Variants in BTBD9 observed in about 807,000 individuals in gnomAD.
The protein encoded by BTBD9 is BTB domain containing 9, also known as BTB/POZ domain-containing protein 9.
In BTBD9, 49 loss-of-function variants were observed where a neutral mutation model predicts 64.3. The ratio of observed to expected loss-of-function variants is 0.76; its 90% confidence interval spans 0.61 to 0.97. The LOEUF (loss-of-function observed/expected upper bound fraction) is 0.97, where lower values mean the gene tolerates loss of function less well. Ranked by LOEUF, BTBD9 falls within the 50% of genes least tolerant of loss-of-function variation. BTBD9 has a pLI of 0.00. For missense variants in BTBD9, 598 were observed against 762.1 expected (o/e 0.78, Z 2.53); for synonymous variants, 260 against 274.7 (o/e 0.95, Z 0.53).
rs1776926750 is a variant in BTBD9, at chr6:38,593,967, A to G, written c.546T>C (p.Ser182=). The G allele has an allele frequency of 6.2e-7, 1 of 1,610,806 alleles. No individual in the cohort carries two copies. Among genetic ancestry groups the G allele is most frequent in the South Asian group, 1.1e-5 (1 of 90,340 alleles). Residue 182 remains serine (S), a synonymous_variant, in exon 3 of 11, where the codon TCT becomes TCC. Transcript: ENST00000481247. ...TACTTGTAGACAAATGACACACCTT[A>G]GAAAGGGAGAGGAAACCTTCACTTG... ...VLSSEGFLSL[S]KTALLNIVLR... is the part of the protein sequence containing the mutation.
At chr6:38,423,110 C>T (rs964643951) in intron 6 of BTBD9, among the ~76,000 whole-genome samples, 1 of 151,864 alleles carries the variant, frequency 6.6e-6, no homozygotes, top group Non-Finnish European at 1.5e-5. Flanking sequence ...ACTAAAAATA[C>T]AAAAATTAGC....
chr6:38,504,682 T>C (rs1330513019), intron 6 of BTBD9: 9 of 444,510 alleles, frequency 2.0e-5, no homozygotes, highest in Non-Finnish European at 3.6e-5. Context: ...ATGTTTCCTA[T>C]ATAAATACAT....
intron 6 of BTBD9, among the ~76,000 whole-genome samples, chr6:38,474,385 A>T (rs145409578): frequency 1.9e-3 from 293 of 152,154 alleles, no homozygotes; most frequent in Admixed American, 3.3e-3. Flanking sequence ...TAGCCAGGCG[A>T]GGTGGTACAT....
chr6:38,626,480 G>T (rs1778172916), intron 1 of BTBD9, among the ~76,000 whole-genome samples: 1 of 151,734 alleles, frequency 6.6e-6, no homozygotes, highest in Admixed American at 6.6e-5. Flanking sequence ...TTTTTTTGTG[G>T]GCAGGAACCA....
At chr6:38,274,262 G>A (rs1040222316) in intron 8 of BTBD9, among the ~76,000 whole-genome samples, 1 of 152,172 alleles carries the variant, frequency 6.6e-6, no homozygotes, top group East Asian at 1.9e-4. Flanking sequence ...TTGCTTATCA[G>A]CTTAAGGAGA....
At chr6:38,629,543 G>A (rs1778289576) in intron 1 of BTBD9, among the ~76,000 whole-genome samples, 1 of 152,230 alleles carries the variant, frequency 6.6e-6, no homozygotes, top group African/African-American at 2.4e-5. Context: ...AAGTAAATAG[G>A]CCGGGCACGG....
intron 6 of BTBD9, among the ~76,000 whole-genome samples, chr6:38,562,340 T>C (rs558228462): frequency 6.6e-6 from 1 of 152,208 alleles, no homozygotes; most frequent in East Asian, 1.9e-4. Flanking sequence ...CTTTAAAAAG[T>C]ACATGCATTT....
chr6:38,328,015 C>T (rs1482501880), intron 7 of BTBD9, among the ~76,000 whole-genome samples: 1 of 152,200 alleles, frequency 6.6e-6, no homozygotes, highest in East Asian at 1.9e-4. Flanking sequence ...TGCCTTGTCC[C>T]TCACTTAAAG....
At chr6:38,285,602 TC>T (rs1761699404) in intron 8 of BTBD9, among the ~76,000 whole-genome samples, 1 of 152,092 alleles carries the variant, frequency 6.6e-6, no homozygotes, top group Non-Finnish European at 1.5e-5. Flanking sequence ...CTACTAAACT[TC>T]CCGTTTGCTT....
At chr6:38,474,731 A>C (rs933929884) in intron 6 of BTBD9, among the ~76,000 whole-genome samples, 4 of 152,088 alleles carry the variant, frequency 2.6e-5, no homozygotes, top group Non-Finnish European at 4.4e-5. Context: ...CAGCATAGAG[A>C]TATCCTCCTG....
Position 38,257,257 on chromosome 6 carries a change from G to C in BTBD9, c.1455-741C>G, listed in dbSNP as rs184326294. Among the ~76,000 whole-genome samples the C allele has an allele frequency of 1.6e-3, 245 of 151,222 alleles. 1 individual carries two copies. Among genetic ancestry groups the C allele is most frequent in the African/African-American group, 5.7e-3 (234 of 41,150 alleles). On this transcript the variant is annotated intron_variant, in intron 8 of 10. Transcript: ENST00000481247. ...TTCACCCTGCTGCCCAGACTGGACTGCAGGGATATGATCATAGCTCATTGC... is the reference window on the plus strand; with the variant it reads ...TTCACCCTGCTGCCCAGACTGGACTCCAGGGATATGATCATAGCTCATTGC...
chr6:38,506,261 C>T (rs774783795), intron 6 of BTBD9, among the ~76,000 whole-genome samples: 4 of 152,120 alleles, frequency 2.6e-5, no homozygotes, highest in Non-Finnish European at 4.4e-5. Flanking sequence ...GTGTTTAATA[C>T]ACCTAACTTA....
At chr6:38,471,223 G>C (rs1410957275) in intron 6 of BTBD9, among the ~76,000 whole-genome samples, 4 of 152,092 alleles carry the variant, frequency 2.6e-5, no homozygotes, top group Admixed American at 2.6e-4. Flanking sequence ...GCTCAGCTCT[G>C]GGTGACCTAA....
At chr6:38,559,728 A>C (rs1453348970) in intron 6 of BTBD9, among the ~76,000 whole-genome samples, 1 of 152,210 alleles carries the variant, frequency 6.6e-6, no homozygotes, top group Admixed American at 6.5e-5. Context: ...ACAAAAACAG[A>C]CATGTAGCTC....
At chr6:38,181,804 G>A (rs1219751505) in intron 10 of BTBD9, among the ~76,000 whole-genome samples, 3 of 152,078 alleles carry the variant, frequency 2.0e-5, no homozygotes, top group Non-Finnish European at 1.5e-5. Flanking sequence ...CCCGGCCGAC[G>A]TGTCAAAACC....
chr6:38,246,181 C>T (rs1310755462), intron 9 of BTBD9, among the ~76,000 whole-genome samples: 2 of 152,188 alleles, frequency 1.3e-5, no homozygotes, highest in East Asian at 3.8e-4. Context: ...TTTCCACATG[C>T]CTCCCAATGT....
chr6:38,283,425 A>T (rs1761596430), intron 8 of BTBD9, among the ~76,000 whole-genome samples: 1 of 152,182 alleles, frequency 6.6e-6, no homozygotes, highest in Non-Finnish European at 1.5e-5. Flanking sequence ...AGTCAGTAGG[A>T]TCACTTGAGC....
intron 7 of BTBD9, among the ~76,000 whole-genome samples, chr6:38,323,229 C>T (rs1218593102): frequency 6.6e-6 from 1 of 152,182 alleles, no homozygotes; most frequent in Non-Finnish European, 1.5e-5. Context: ...TTCCCATCAC[C>T]TGCCAAATTT....
chr6:38,288,771 T>C (rs1280260554), intron 7 of BTBD9, among the ~76,000 whole-genome samples: 1 of 150,984 alleles, frequency 6.6e-6, no homozygotes, highest in East Asian at 2.0e-4. Context: ...TACTAAAATA[T>C]AAAAAATCAG....
Sources: allele counts gnomAD v4.1 joint callset (sites outside exome capture counted in the v4.1 genomes callset), GRCh38; gene constraint gnomAD v4.1.1; transcripts MANE v1.5; gene names NCBI Gene and HGNC (gene_info 2026-07-23, HGNC 2026-07-21).